ADAMTS6: variants seen among roughly 807,000 people sequenced by gnomAD.
ADAMTS6 encodes the protein ADAM metallopeptidase with thrombospondin type 1 motif 6, also known as A disintegrin and metalloproteinase with thrombospondin motifs 6.
In ADAMTS6, 23 loss-of-function variants were observed where a neutral mutation model predicts 144.3. That is an observed-to-expected ratio of 0.16 (90% confidence interval 0.11 to 0.23). The LOEUF is 0.23. ADAMTS6 is among the 10% of genes least tolerant of loss of function. The pLI is 1.00. For synonymous variants in ADAMTS6, 444 were observed against 457.5 expected (o/e 0.97, Z 0.38); for missense variants, 999 against 1,379.6 (o/e 0.72, Z 4.37).
At position 65,449,586 on chromosome 5, in the gene ADAMTS6, A is replaced by AC. The variant is rs201272524; in HGVS notation, c.1073+1888dup. On this transcript the variant is annotated intron_variant, in intron 7 of 24. Coordinates refer to ENST00000381055, the MANE Select transcript of ADAMTS6 (RefSeq NM_197941.4). ...CAGTGAGCCGAGATCACGCCACTGC[A>AC]CTCCAGCCTGGGCGACAGAGCAGGA... Among the ~76,000 whole-genome samples the AC allele has an allele frequency of 3.6e-3, 548 of 152,262 alleles. 15 individuals are homozygous for AC. Among genetic ancestry groups the AC allele is most frequent in the Admixed American group, 0.025 (378 of 15,292 alleles).
chr5:65,204,352 C>T (rs1341710625), intron 20 of ADAMTS6, among the ~76,000 whole-genome samples: 4 of 152,106 alleles, frequency 2.6e-5, no homozygotes, highest in Non-Finnish European at 4.4e-5. Flanking sequence ...GAAGTGTGAA[C>T]CAACCACGAA....
chr5:65,150,494 C>G lies in ADAMTS6; in HGVS notation c.*1342G>C, dbSNP rs1379621257. The G allele has an allele frequency of 6.6e-6, 1 of 152,542 alleles. No homozygotes were observed. The highest frequency in any genetic ancestry group is 1.5e-5 in the Non-Finnish European group (1 of 68,018). 9.4% of individuals were successfully genotyped at this position (152,542 alleles called of 1,614,324 possible). ...TCCAGAATTTGACTTGCCCAAGAAA[C>G]TGGGTTTCACATTTAATTGCCATTC... On this transcript the variant is annotated 3_prime_UTR_variant, in exon 25 of 25. Coordinates refer to ENST00000381055, the MANE Select transcript of ADAMTS6 (RefSeq NM_197941.4).
chr5:65,230,792 C>T (rs112015535), intron 15 of ADAMTS6, among the ~76,000 whole-genome samples: 721 of 63,480 alleles, frequency 0.011, 85 homozygotes, highest in African/African-American at 0.031. Context: ...ATATATATAA[C>T]ACATATGTAT....
At chr5:65,204,511 C>G (rs1195780129) in intron 20 of ADAMTS6, among the ~76,000 whole-genome samples, 2 of 151,984 alleles carry the variant, frequency 1.3e-5, no homozygotes, top group Admixed American at 1.3e-4. Context: ...ACAGCTAATC[C>G]CAGGTTAAAG....
Position 65,172,600 on chromosome 5 carries a change from T to C in ADAMTS6, c.3087+232A>G, listed in dbSNP as rs139962973. On this transcript the variant is annotated intron_variant, in intron 23 of 24. Transcript: ENST00000381055. ...TTTTAACCACAATGGATCTGAAGAA[T>C]AGAATCTGAAGTGGGAAGTGTGTGG... 8.9e-4 allele frequency among the ~76,000 whole-genome samples: 135 copies of C among 152,304 alleles called. 1 individual carries two copies. In the East Asian group the frequency reaches 0.015, roughly 17 times the overall value.
At chr5:65,313,128 AAC>A (rs61525269) in intron 9 of ADAMTS6, among the ~76,000 whole-genome samples, 23,028 of 135,338 alleles carry the variant, frequency 0.17, 1,739 homozygotes, top group Non-Finnish European at 0.19. Context: ...TTATTTCTGC[AAC>A]ACACACACAC....
Position 65,455,156 on chromosome 5 carries a change from C to T in ADAMTS6, c.632-2238G>A, listed in dbSNP as rs79899428. On this transcript the variant is annotated intron_variant, in intron 4 of 24. Transcript: ENST00000381055. ...ATTCTTTTGATCATTTCCCCTTCTC[C>T]GACCCATTCAATTTCTCCTTTTTAT... Among the ~76,000 whole-genome samples the T allele has an allele frequency of 1.7e-3, 257 of 152,250 alleles. 2 individuals carry two copies. Among genetic ancestry groups the T allele is most frequent in the African/African-American group, 5.7e-3 (238 of 41,532 alleles).
chr5:65,450,670 T>C (rs913564498), intron 7 of ADAMTS6, among the ~76,000 whole-genome samples: 11 of 152,148 alleles, frequency 7.2e-5, no homozygotes, highest in African/African-American at 2.7e-4. Flanking sequence ...AGTAAGAGTA[T>C]TAAAAACTAT....
At chr5:65,350,282 A>T (rs1363480418) in intron 7 of ADAMTS6, among the ~76,000 whole-genome samples, 1 of 152,228 alleles carries the variant, frequency 6.6e-6, no homozygotes, top group Non-Finnish European at 1.5e-5. Flanking sequence ...CCTTCAGTGA[A>T]GATTGAGAAC....
At chr5:65,428,184 C>T (rs1756707977) in intron 7 of ADAMTS6, among the ~76,000 whole-genome samples, 2 of 135,240 alleles carry the variant, frequency 1.5e-5, no homozygotes, top group South Asian at 4.5e-4. Flanking sequence ...CAAGATTGCA[C>T]TATTGCATTC....
Position 65,327,102 on chromosome 5 carries a change from A to C in ADAMTS6, c.1223+2276T>G, listed in dbSNP as rs1022024163. Reference sequence around the variant, plus strand: ...AGAATGAATGAATTCTTGCTCTATGAGTTCACATGAGAGCTGGTTGTTTAA... The same window carrying C: ...AGAATGAATGAATTCTTGCTCTATGCGTTCACATGAGAGCTGGTTGTTTAA... On this transcript the variant is annotated intron_variant, in intron 9 of 24. Coordinates refer to ENST00000381055, the MANE Select transcript of ADAMTS6 (RefSeq NM_197941.4). Among the ~76,000 whole-genome samples the C allele has an allele frequency of 1.3e-5, 2 of 152,032 alleles. 1 individual carries two copies. Among genetic ancestry groups the C allele is most frequent in the African/African-American group, 4.8e-5 (2 of 41,392 alleles).
intron 9 of ADAMTS6, among the ~76,000 whole-genome samples, chr5:65,307,976 C>T (rs1744100949): frequency 6.6e-6 from 1 of 152,212 alleles, no homozygotes; most frequent in African/African-American, 2.4e-5. Flanking sequence ...CAGCAATCCA[C>T]AGGACTTCCA....
At chr5:65,337,320 T>C (rs957106527) in intron 7 of ADAMTS6, among the ~76,000 whole-genome samples, 16 of 152,172 alleles carry the variant, frequency 1.1e-4, no homozygotes, top group Admixed American at 8.5e-4. Context: ...AAATTGCTTT[T>C]AGTTTATTAT....
At chr5:65,470,175 C>T (rs185472920) in intron 3 of ADAMTS6, among the ~76,000 whole-genome samples, 3 of 152,250 alleles carry the variant, frequency 2.0e-5, no homozygotes, top group East Asian at 1.9e-4. Flanking sequence ...CCTCCCATCA[C>T]GGCCTCCTAA....
intron 20 of ADAMTS6, among the ~76,000 whole-genome samples, chr5:65,198,325 CT>C (rs35433130): frequency 5.4e-5 from 8 of 149,414 alleles, no homozygotes; most frequent in South Asian, 4.3e-4. Context: ...AGTTGTTTTT[CT>C]TTTTTTTTTC....
intron 7 of ADAMTS6, among the ~76,000 whole-genome samples, chr5:65,410,591 C>A (rs563331912): frequency 6.6e-6 from 1 of 152,046 alleles, no homozygotes; most frequent in African/African-American, 2.4e-5. Flanking sequence ...TTAATATTAT[C>A]ATTAACTATA....
chr5:65,341,783 A>C (rs975272311), intron 7 of ADAMTS6, among the ~76,000 whole-genome samples: 1 of 152,188 alleles, frequency 6.6e-6, no homozygotes, highest in Admixed American at 6.5e-5. Flanking sequence ...GTAAGTACCA[A>C]TTCTTCTCAA....
intron 7 of ADAMTS6, among the ~76,000 whole-genome samples, chr5:65,403,446 G>C (rs1421821335): frequency 6.6e-6 from 1 of 152,074 alleles, no homozygotes; most frequent in Non-Finnish European, 1.5e-5. Flanking sequence ...AAATTAGCAA[G>C]ATCATGATCA....
At chr5:65,298,015 G>A (rs1358514591) in intron 10 of ADAMTS6, among the ~76,000 whole-genome samples, 2 of 152,062 alleles carry the variant, frequency 1.3e-5, no homozygotes, top group Non-Finnish European at 2.9e-5. Context: ...ATGCTTTTTG[G>A]ATCAATTATT....
Sources: gnomAD v4.1 joint callset for allele counts (sites outside exome capture counted in the v4.1 genomes callset) on GRCh38, gnomAD v4.1.1 for gene constraint, MANE v1.5 for transcripts, NCBI Gene and HGNC (gene_info 2026-07-23, HGNC 2026-07-21) for gene names.